Variants in PTPRD observed in about 807,000 individuals in gnomAD.
The protein encoded by PTPRD is receptor-type tyrosine-protein phosphatase delta.
A neutral mutation model predicts 214.5 loss-of-function variants in PTPRD; 34 were observed. The ratio of observed to expected loss-of-function variants is 0.16; its 90% CI spans 0.12 to 0.21. The LOEUF is 0.21. Among genes scored for constraint, PTPRD ranks in the 10% least tolerant of loss-of-function variants. The probability of loss-of-function intolerance (pLI) is 1.00; values close to 1 mark genes in which losing one functional copy is unlikely to be tolerated. For missense variants in PTPRD, 2,545 were observed against 2,398.7 expected, an observed-to-expected ratio of 1.06 and a Z score of -1.27; for synonymous variants, 1,128 against 845.7, an observed-to-expected ratio of 1.33 and a Z score of -5.79.
At chr9:8,479,307 C>T (rs2135478370) in intron 30 of PTPRD, among the ~76,000 whole-genome samples, 1 of 152,176 alleles carries the variant, frequency 6.6e-6, no homozygotes, top group East Asian at 1.9e-4. Flanking sequence ...TGATACTTTT[C>T]TCACTCAAGT....
intron 3 of PTPRD, among the ~76,000 whole-genome samples, chr9:10,058,530 A>C (rs1429447605): frequency 6.6e-6 from 1 of 152,006 alleles, no homozygotes; most frequent in East Asian, 1.9e-4. Context: ...TTTTGCCTCA[A>C]TTTCTTTCTT....
intron 9 of PTPRD, among the ~76,000 whole-genome samples, chr9:9,313,957 T>C (rs950394327): frequency 3.3e-5 from 5 of 152,142 alleles, no homozygotes; most frequent in African/African-American, 1.2e-4. Flanking sequence ...TTCCATGTGC[T>C]CAGTATATTT....
chr9:10,568,810 A>G (rs981153796), intron 2 of PTPRD, among the ~76,000 whole-genome samples: 2 of 152,196 alleles, frequency 1.3e-5, no homozygotes, highest in Non-Finnish European at 2.9e-5. Context: ...ACCTAAAACC[A>G]TAAAATCCCC....
chr9:10,366,107 G>A (rs1322427774), intron 2 of PTPRD, among the ~76,000 whole-genome samples: 1 of 152,146 alleles, frequency 6.6e-6, no homozygotes, highest in Non-Finnish European at 1.5e-5. Context: ...TCCCAATGTA[G>A]GTGGTTTGTC....
chr9:9,909,257 T>C (rs2078481992), intron 5 of PTPRD, among the ~76,000 whole-genome samples: 2 of 151,914 alleles, frequency 1.3e-5, no homozygotes, highest in Admixed American at 1.3e-4. Flanking sequence ...TCATATAATA[T>C]TGCTATGGAT....
At chr9:8,527,324 G>A (rs945562544) in intron 16 of PTPRD, 21 bp downstream of exon 16, 19 of 1,603,342 alleles carry the variant, frequency 1.2e-5, no homozygotes, top group African/African-American at 2.7e-5. Flanking sequence ...GTTGAAGTGC[G>A]CTTCAGAACT....
Position 8,468,798 on chromosome 9 carries a change from G to GAAA in PTPRD, c.3504+2194_3504+2196dup, listed in dbSNP as rs35027583. Among the ~76,000 whole-genome samples, 116 of 123,438 alleles carry GAAA rather than the reference G, an allele frequency of 9.4e-4. 3 individuals carry two copies. Among genetic ancestry groups the GAAA allele is most frequent in the African/African-American group, 2.5e-3 (79 of 32,068 alleles). 81.0% of individuals were successfully genotyped at this position (123,438 alleles called of 152,430 possible). On this transcript the variant is annotated intron_variant, in intron 31 of 45. Transcript: ENST00000381196. ...TACAGTGCTTTTATTATCCATGGTAGAAAAAAAAAAAAAAAAAAACTCTCT... is the reference window on the plus strand; with the variant it reads ...TACAGTGCTTTTATTATCCATGGTAGAAAAAAAAAAAAAAAAAAAAAACTCTCT...
At chr9:10,268,293 AAATAAT>A (rs56131711) in intron 3 of PTPRD, among the ~76,000 whole-genome samples, 43 of 144,792 alleles carry the variant, frequency 3.0e-4, no homozygotes, top group African/African-American at 8.9e-4. Flanking sequence ...CTGTTGCTAT[AAATAAT>A]AATAATAATA....
chr9:9,866,055 C>T (rs1188135460), intron 5 of PTPRD, among the ~76,000 whole-genome samples: 22 of 152,164 alleles, frequency 1.4e-4, no homozygotes, highest in Non-Finnish European at 1.5e-5. Flanking sequence ...TGTACATATG[C>T]ACTTATAAAC....
chr9:8,990,993 C>T (rs1481017916), intron 11 of PTPRD, among the ~76,000 whole-genome samples: 2 of 151,678 alleles, frequency 1.3e-5, no homozygotes, highest in African/African-American at 4.8e-5. Context: ...GGCGGGAGGA[C>T]CACTTGAGGC....
At chr9:8,945,288 T>G (rs1238284926) in intron 11 of PTPRD, among the ~76,000 whole-genome samples, 1 of 151,910 alleles carries the variant, frequency 6.6e-6, no homozygotes, top group Non-Finnish European at 1.5e-5. Context: ...GAATTATTAA[T>G]AGGTTTCTTT....
At chr9:9,043,010 C>T (rs753428349) in intron 10 of PTPRD, among the ~76,000 whole-genome samples, 3 of 152,148 alleles carry the variant, frequency 2.0e-5, no homozygotes, top group African/African-American at 2.4e-5. Context: ...TTATCTGTTA[C>T]CAAACTTCAT....
At chr9:8,735,164 G>GACAGTCT (rs2089934757) in intron 11 of PTPRD, among the ~76,000 whole-genome samples, 1 of 137,998 alleles carries the variant, frequency 7.2e-6, no homozygotes, top group Non-Finnish European at 1.5e-5. Context: ...TTTTTTTTTT[G>GACAGTCT]AGACAGTCTC....
intron 3 of PTPRD, among the ~76,000 whole-genome samples, chr9:10,191,791 G>A (rs2099364690): frequency 6.6e-6 from 1 of 152,122 alleles, no homozygotes. Context: ...AGTAGCAGTA[G>A]TAGGAAGCAT....
chr9:10,583,515 G>C (rs1019084822), intron 2 of PTPRD, among the ~76,000 whole-genome samples: 2 of 151,608 alleles, frequency 1.3e-5, no homozygotes, highest in Non-Finnish European at 2.9e-5. Flanking sequence ...GCCGTGGCGC[G>C]ATCTGGGCTC....
At chr9:9,328,528 T>G (rs902679468) in intron 9 of PTPRD, among the ~76,000 whole-genome samples, 3 of 151,682 alleles carry the variant, frequency 2.0e-5, no homozygotes, top group Non-Finnish European at 4.4e-5. Flanking sequence ...CAATTTAGCA[T>G]ATGTGTTTAT....
chr9:10,306,551 A>C (rs1171459936), intron 3 of PTPRD, among the ~76,000 whole-genome samples: 1 of 152,136 alleles, frequency 6.6e-6, no homozygotes, highest in African/African-American at 2.4e-5. Flanking sequence ...ATAGAAACTA[A>C]GGTAATAATG....
intron 2 of PTPRD, among the ~76,000 whole-genome samples, chr9:10,431,887 A>G (rs1250479180): frequency 6.6e-6 from 1 of 152,094 alleles, no homozygotes; most frequent in African/African-American, 2.4e-5. Flanking sequence ...GTGATTCCTT[A>G]GGGATCTAGA....
intron 35 of PTPRD, among the ~76,000 whole-genome samples, chr9:8,406,000 G>C (rs1253457461): frequency 6.6e-6 from 1 of 152,064 alleles, no homozygotes; most frequent in African/African-American, 2.4e-5. Context: ...ATTCTCAGCA[G>C]TACAGATTCC....
Sources: gnomAD v4.1 joint callset for allele counts (sites outside exome capture counted in the v4.1 genomes callset) on GRCh38, gnomAD v4.1.1 for gene constraint, MANE v1.5 for transcripts, NCBI Gene and HGNC (gene_info 2026-07-23, HGNC 2026-07-21) for gene names.